Variants in MYH15 observed in about 807,000 individuals in gnomAD.
MYH15 encodes myosin-15.
In MYH15, 227 loss-of-function variants were observed where a neutral mutation model predicts 240.5. The ratio of observed to expected loss-of-function variants is 0.94; its 90% confidence interval spans 0.85 to 1.05. MYH15 has a LOEUF of 1.05. MYH15 is among the 50% of genes least tolerant of loss of function. The pLI is 0.00. For missense variants in MYH15, 2,217 were observed against 2,247.5 expected (o/e 0.99, Z 0.27); for synonymous variants, 785 against 796.7 (o/e 0.99, Z 0.25).
At chr3:108,521,948 T>C (rs2083621935) in intron 1 of MYH15, among the ~76,000 whole-genome samples, 1 of 152,164 alleles carries the variant, frequency 6.6e-6, no homozygotes, top group Non-Finnish European at 1.5e-5. Flanking sequence ...TCAGTTCAGA[T>C]AAAGCAGACA....
At chr3:108,534,424 T>C in the MYH15 span, among the ~76,000 whole-genome samples, 1 of 152,198 alleles carries the variant, frequency 6.6e-6, no homozygotes, top group Non-Finnish European at 1.5e-5. Context: ...TGGTCTTTCA[T>C]AAGTCGAAAA....
intron 33 of MYH15, among the ~76,000 whole-genome samples, chr3:108,400,055 T>C (rs149490115): frequency 1.3e-5 from 2 of 152,346 alleles, no homozygotes; most frequent in Non-Finnish European, 2.9e-5. Flanking sequence ...GTAAATGCAC[T>C]GTGGAGAATA....
rs1560372573 is a variant in MYH15, at chr3:108,444,717, ACTCTGATTT to A, written c.2569_2577del (p.Lys857_Glu859del). 1 of 1,613,494 alleles carries A rather than the reference ACTCTGATTT, an allele frequency of 6.2e-7. No individual in the cohort carries two copies. Among genetic ancestry groups the A allele is most frequent in the Non-Finnish European group, 8.5e-7 (1 of 1,179,826 alleles). On this transcript the variant is annotated inframe_deletion, in exon 22 of 41. Coordinates refer to ENST00000693548, the MANE Select transcript of MYH15 (RefSeq NM_014981.3). ...TTTGCTTTCAGTTCCTCCCTCTGAA[ACTCTGATTT>A]CTCCAAGGCTTTCTGTAATTGTGCA...
At chr3:108,500,328 T>C in intron 3 of MYH15, 54 bp from the exon 4 acceptor site, 1 of 1,549,502 alleles carries the variant, frequency 6.5e-7, no homozygotes, top group South Asian at 1.2e-5. Context: ...ACTTCCAGGT[T>C]TGTCAGCTCT....
At chr3:108,540,034 A>G in the MYH15 span, among the ~76,000 whole-genome samples, 1 of 152,214 alleles carries the variant, frequency 6.6e-6, no homozygotes, top group African/African-American at 2.4e-5. Flanking sequence ...TCCATGTGAA[A>G]TTCCTAAATA....
intron 38 of MYH15, among the ~76,000 whole-genome samples, chr3:108,385,795 C>T (rs2082379307): frequency 6.6e-6 from 1 of 151,360 alleles, no homozygotes; most frequent in South Asian, 2.1e-4. Context: ...TTCCCCCCAC[C>T]ACCACGAACC....
chr3:108,550,355 T>A, the MYH15 span: 2 of 151,522 alleles, frequency 1.3e-5, no homozygotes, highest in Admixed American at 1.3e-4. Context: ...AAGAGTAGAA[T>A]CCAAATTATC....
At chr3:108,484,223 T>G (rs1350066540) in intron 11 of MYH15, among the ~76,000 whole-genome samples, 1 of 152,198 alleles carries the variant, frequency 6.6e-6, no homozygotes, top group Non-Finnish European at 1.5e-5. Flanking sequence ...CTTTCTTCTT[T>G]TCATAATTGT....
rs761040479 is a variant in MYH15, at chr3:108,500,255, C to T, written c.359G>A (p.Cys120Tyr). ...WMIYTYSGLF[C>Y]VTINPYKWLP... ...CCATTTGTAAGGGTTTATGGTCACA[C>T]AGAAGAGACCTGAATATGTCTGAGG... The change falls in exon 4 of 41, where the codon TGT (cysteine) becomes TAT (tyrosine). Residue 120 changes from cysteine to tyrosine, a missense_variant. Coordinates refer to ENST00000693548, the MANE Select transcript of MYH15 (RefSeq NM_014981.3). The T allele has an allele frequency of 1.2e-6, 2 of 1,613,122 alleles. No homozygotes were observed. The highest frequency in any genetic ancestry group is 1.7e-6 in the Non-Finnish European group (2 of 1,179,662).
At chr3:108,532,847 G>C (rs2083720822), upstream of MYH15, among the ~76,000 whole-genome samples, 1 of 152,144 alleles carries the variant, frequency 6.6e-6, no homozygotes, top group Admixed American at 6.5e-5. Flanking sequence ...TGCCTATCTG[G>C]ATGATGAACT....
At chr3:108,384,417 T>C (rs1289774079) in intron 39 of MYH15, among the ~76,000 whole-genome samples, 1 of 152,204 alleles carries the variant, frequency 6.6e-6, no homozygotes, top group Admixed American at 6.5e-5. Context: ...CGTGACACTC[T>C]GCTTTTACCT....
Sources: allele counts gnomAD v4.1 joint callset (sites outside exome capture counted in the v4.1 genomes callset), GRCh38; gene constraint gnomAD v4.1.1; transcripts MANE v1.5; gene names NCBI Gene and HGNC (gene_info 2026-07-23, HGNC 2026-07-21).